Variants in CSGALNACT1 observed in about 807,000 individuals in gnomAD.
CSGALNACT1 encodes the protein beta4GalNAcT-1.
CSGALNACT1 carries 52 observed loss-of-function variants against 51.0 expected under a neutral mutation model. That is an observed-to-expected ratio of 1.02 (90% CI 0.82 to 1.29). The LOEUF (loss-of-function observed/expected upper bound fraction) is 1.29. CSGALNACT1 is among the 50% of genes most tolerant of loss of function. CSGALNACT1 has a pLI of 0.00. For missense variants in CSGALNACT1, 935 were observed against 679.2 expected, an observed-to-expected ratio of 1.38 and a Z score of -4.19; for synonymous variants, 341 against 254.4, an observed-to-expected ratio of 1.34 and a Z score of -3.24.
intron 1 of CSGALNACT1, among the ~76,000 whole-genome samples, chr8:19,719,862 T>TC (rs1305660363): frequency 6.6e-6 from 1 of 151,492 alleles, no homozygotes; most frequent in Non-Finnish European, 1.5e-5. Flanking sequence ...CTCGCCTAGA[T>TC]CCCCTGCAGC....
At chr8:19,593,643 A>G (rs929443578) in intron 2 of CSGALNACT1, among the ~76,000 whole-genome samples, 3 of 152,248 alleles carry the variant, frequency 2.0e-5, no homozygotes, top group African/African-American at 7.2e-5. Context: ...TATGAATAAC[A>G]TCAGGAAGGG....
chr8:19,641,771 G>T (rs900824908), intron 1 of CSGALNACT1: 1 of 152,178 alleles, frequency 6.6e-6, no homozygotes, highest in Non-Finnish European at 1.5e-5. Context: ...AAAGCAAAGT[G>T]ATGGCTCATA....
chr8:19,737,713 T>A (rs1183001523), intron 1 of CSGALNACT1, among the ~76,000 whole-genome samples: 1 of 152,192 alleles, frequency 6.6e-6, no homozygotes, highest in African/African-American at 2.4e-5. Flanking sequence ...AATGTAAATG[T>A]ACTAAGGCTC....
chr8:19,574,917 C>G (rs1335000049), intron 3 of CSGALNACT1, among the ~76,000 whole-genome samples: 1 of 152,058 alleles, frequency 6.6e-6, no homozygotes, highest in Admixed American at 6.6e-5. Context: ...TACCTGTAGT[C>G]TCAGCTACTC....
chr8:19,705,883 T>A (rs1158402068), intron 1 of CSGALNACT1, among the ~76,000 whole-genome samples: 2 of 152,186 alleles, frequency 1.3e-5, no homozygotes, highest in South Asian at 2.1e-4. Context: ...TAAAGCTGAA[T>A]AATCGAATGA....
chr8:19,511,560 T>A (rs2078469780), intron 3 of CSGALNACT1, among the ~76,000 whole-genome samples: 4 of 152,208 alleles, frequency 2.6e-5, no homozygotes, highest in Admixed American at 2.6e-4. Flanking sequence ...TGGCTTCATT[T>A]AGAATTCCCT....
At chr8:19,454,477 C>G (rs1269096146) in intron 5 of CSGALNACT1, among the ~76,000 whole-genome samples, 1 of 152,152 alleles carries the variant, frequency 6.6e-6, no homozygotes, top group Admixed American at 6.5e-5. Flanking sequence ...TTGAGACCAG[C>G]CTGACCAACG....
At chr8:19,510,898 T>C (rs1171351675) in intron 3 of CSGALNACT1, among the ~76,000 whole-genome samples, 1 of 152,186 alleles carries the variant, frequency 6.6e-6, no homozygotes, top group African/African-American at 2.4e-5. Context: ...ATGTGGCCAG[T>C]GCATACCGGG....
chr8:19,616,660 G>T lies in CSGALNACT1; in HGVS notation c.-543-14795C>A, dbSNP rs981604191. Among the ~76,000 whole-genome samples, 5 of 151,932 alleles carry T rather than the reference G, an allele frequency of 3.3e-5. No homozygotes were observed. The East Asian group carries it at 9.6e-4, about 29-fold the overall frequency. ...CCTTGCAAGATCTGGTTGTTTAAAA[G>T]TGTGTGGTACCTCCCCCCTCATTCT... On this transcript the variant is annotated intron_variant, in intron 1 of 9. Transcript: ENST00000332246.
chr8:19,599,529 G>GAAAGAA (rs2049916730), intron 2 of CSGALNACT1, among the ~76,000 whole-genome samples: 1 of 121,502 alleles, frequency 8.2e-6, no homozygotes, highest in Admixed American at 8.4e-5. Context: ...AGAAAGAAAA[G>GAAAGAA]AAAGAAAAAG....
At chr8:19,703,946 C>G (rs967028800) in intron 1 of CSGALNACT1, among the ~76,000 whole-genome samples, 1 of 152,192 alleles carries the variant, frequency 6.6e-6, no homozygotes, top group African/African-American at 2.4e-5. Flanking sequence ...CTGGCAGTGA[C>G]ATCTTTCCTG....
intron 1 of CSGALNACT1, among the ~76,000 whole-genome samples, chr8:19,633,186 G>A (rs953496952): frequency 2.6e-5 from 4 of 152,088 alleles, no homozygotes; most frequent in Non-Finnish European, 4.4e-5. Flanking sequence ...TATCCCTGCC[G>A]AATTAAGAGG....
chr8:19,517,872 CA>C (rs58554283), intron 3 of CSGALNACT1, among the ~76,000 whole-genome samples: 18,235 of 152,142 alleles, frequency 0.12, 3,055 homozygotes, highest in African/African-American at 0.38. Context: ...GAGACACAGC[CA>C]AACCATATCA....
intron 1 of CSGALNACT1, among the ~76,000 whole-genome samples, chr8:19,692,822 C>T (rs1393976860): frequency 6.6e-6 from 1 of 152,194 alleles, no homozygotes; most frequent in Admixed American, 6.5e-5. Flanking sequence ...GATCCTTAAC[C>T]TCCCCAGAAT....
At chr8:19,706,440 G>C (rs1034985030) in intron 1 of CSGALNACT1, among the ~76,000 whole-genome samples, 2 of 152,098 alleles carry the variant, frequency 1.3e-5, no homozygotes, top group African/African-American at 2.4e-5. Context: ...CAGCCCATGA[G>C]GTCAAGGAAT....
rs756324923 is a variant in CSGALNACT1, at chr8:19,609,192, T to C, written c.-543-7327A>G. On this transcript the variant is annotated intron_variant, in intron 1 of 9. Coordinates refer to the CSGALNACT1 transcript ENST00000332246. ...ATGGAAGGATGCTTTTTTTTTTATA[T>C]TGAGATTGAGGGAGGCAAGAAAACA... Among the ~76,000 whole-genome samples, 7 of 151,444 alleles carry C rather than the reference T, an allele frequency of 4.6e-5. No homozygotes were observed. In the South Asian group the frequency reaches 6.3e-4, roughly 14 times the overall value.
chr8:19,748,964 CA>C (rs1377044036), intron 1 of CSGALNACT1, among the ~76,000 whole-genome samples: 7 of 133,280 alleles, frequency 5.3e-5, no homozygotes, highest in South Asian at 4.7e-4. Context: ...GACTCCATCT[CA>C]AAAAAAAAAA....
At chr8:19,632,952 G>A (rs1312602603) in intron 1 of CSGALNACT1, among the ~76,000 whole-genome samples, 1 of 143,244 alleles carries the variant, frequency 7.0e-6, no homozygotes, top group Non-Finnish European at 1.5e-5. Flanking sequence ...TTTTTTGGTA[G>A]AGACGAGGTT....
chr8:19,639,197 C>T (rs2056452882), intron 1 of CSGALNACT1, among the ~76,000 whole-genome samples: 1 of 152,104 alleles, frequency 6.6e-6, no homozygotes, highest in African/African-American at 2.4e-5. Context: ...TCAAGTGACC[C>T]AACCACAGAA....
Sources: gnomAD v4.1 joint callset for allele counts (sites outside exome capture counted in the v4.1 genomes callset) on GRCh38, gnomAD v4.1.1 for gene constraint, MANE v1.5 for transcripts, NCBI Gene and HGNC (gene_info 2026-07-23, HGNC 2026-07-21) for gene names.